The following CDH13 variants were observed in gnomAD, a reference collection of about 807,000 sequenced individuals.
CDH13 encodes the protein cadherin 13.
Under a neutral mutation model 63.8 loss-of-function variants are expected in CDH13, and 24 were observed. That is an observed-to-expected ratio of 0.38 (90% confidence interval 0.27 to 0.53). The LOEUF (loss-of-function observed/expected upper bound fraction) is 0.53. CDH13 is among the 20% of genes least tolerant of loss of function. CDH13 has a pLI of 0.85. For synonymous variants in CDH13, 503 were observed against 355.3 expected, an observed-to-expected ratio of 1.42 and a Z score of -4.67; for missense variants, 1,049 against 903.1, an observed-to-expected ratio of 1.16 and a Z score of -2.07.
chr16:82,727,369 C>T (rs188190172), intron 1 of CDH13: 1 of 152,226 alleles, frequency 6.6e-6, no homozygotes, highest in Admixed American at 6.5e-5. Flanking sequence ...TTTTCGTTTT[C>T]CCTGGAAGGT....
At chr16:83,474,619 T>G in intron 6 of CDH13, among the ~76,000 whole-genome samples, 1 of 152,114 alleles carries the variant, frequency 6.6e-6, no homozygotes, top group East Asian at 1.9e-4. Context: ...AGCAGAAGTA[T>G]TTCATTAAAA....
intron 8 of CDH13, among the ~76,000 whole-genome samples, chr16:83,649,830 C>T (rs775687671): frequency 1.3e-5 from 2 of 152,200 alleles, no homozygotes; most frequent in Non-Finnish European, 2.9e-5. Context: ...TTTGCTGAAG[C>T]ACCCAGCCAC....
intron 5 of CDH13, among the ~76,000 whole-genome samples, chr16:83,294,059 C>T (rs1294421111): frequency 6.6e-6 from 1 of 152,192 alleles, no homozygotes; most frequent in Non-Finnish European, 1.5e-5. Context: ...CAAGGATTAT[C>T]TGACTTCTGT....
chr16:83,528,986 C>T (rs1036116735), intron 7 of CDH13, among the ~76,000 whole-genome samples: 2 of 152,098 alleles, frequency 1.3e-5, no homozygotes, highest in Non-Finnish European at 2.9e-5. Context: ...CTTGGTCCAC[C>T]TGACTGAAAT....
intron 5 of CDH13, among the ~76,000 whole-genome samples, chr16:83,309,358 C>T (rs2089950022): frequency 6.7e-6 from 1 of 149,782 alleles, no homozygotes; most frequent in African/African-American, 2.4e-5. Flanking sequence ...AGGTCAGTCT[C>T]TGGAGGCACT....
At position 82,734,552 on chromosome 16, in the gene CDH13, G is replaced by A. The variant is rs181166976; in HGVS notation, c.45+107415G>A. Among the ~76,000 whole-genome samples, 48 of 152,276 alleles carry A rather than the reference G, an allele frequency of 3.2e-4. No individual in the cohort carries two copies. In the East Asian group the frequency reaches 5.2e-3, roughly 17 times the overall value. On this transcript the variant is annotated intron_variant, in intron 1 of 13. Coordinates refer to ENST00000567109, the MANE Select transcript of CDH13 (RefSeq NM_001257.5). ...GCAGAGTGTTAACAGGAGGACTCTC[G>A]CTCTTTGTGATACATCCACTGTCTT...
chr16:82,936,569 AG>A (rs2042673322), intron 2 of CDH13, among the ~76,000 whole-genome samples: 1 of 152,170 alleles, frequency 6.6e-6, no homozygotes, highest in Non-Finnish European at 1.5e-5. Flanking sequence ...TTAAAACAGT[AG>A]GCCCCCCACC....
intron 3 of CDH13, among the ~76,000 whole-genome samples, chr16:83,035,302 A>G (rs995664380): frequency 6.6e-6 from 1 of 152,074 alleles, no homozygotes; most frequent in Non-Finnish European, 1.5e-5. Context: ...GTGTGCATTG[A>G]TGCTTGGGTA....
At chr16:83,105,190 G>T (rs1488215005) in intron 3 of CDH13, among the ~76,000 whole-genome samples, 2 of 152,104 alleles carry the variant, frequency 1.3e-5, no homozygotes, top group Non-Finnish European at 2.9e-5. Context: ...TCAATCTGGG[G>T]CCTGCTTTCC....
At chr16:82,887,550 G>T (rs1319614390) in intron 2 of CDH13, among the ~76,000 whole-genome samples, 8 of 152,224 alleles carry the variant, frequency 5.3e-5, no homozygotes, top group Admixed American at 5.2e-4. Flanking sequence ...AGGAGGGCCA[G>T]TGGCTCACGC....
intron 7 of CDH13, among the ~76,000 whole-genome samples, chr16:83,583,898 C>G (rs1905880873): frequency 6.6e-6 from 1 of 151,510 alleles, no homozygotes; most frequent in Non-Finnish European, 1.5e-5. Context: ...GCCTGGATGA[C>G]AGAGCAAGAC....
At chr16:83,573,524 A>G (rs538582814) in intron 7 of CDH13, among the ~76,000 whole-genome samples, 1 of 152,336 alleles carries the variant, frequency 6.6e-6, no homozygotes, top group Admixed American at 6.5e-5. Context: ...ATCACTAATC[A>G]ATGGCGGCAC....
At chr16:83,660,763 A>G (rs969137845) in intron 8 of CDH13, among the ~76,000 whole-genome samples, 7 of 152,214 alleles carry the variant, frequency 4.6e-5, no homozygotes, top group Non-Finnish European at 1.0e-4. Flanking sequence ...TCAAATGAGT[A>G]TCTCTACAGA....
chr16:83,346,802 T>G (rs2151368526), intron 6 of CDH13, among the ~76,000 whole-genome samples: 1 of 152,380 alleles, frequency 6.6e-6, no homozygotes, highest in South Asian at 2.1e-4. Context: ...GTTTTTTGTG[T>G]ATTTTTTAGA....
intron 6 of CDH13, among the ~76,000 whole-genome samples, chr16:83,480,113 C>G (rs141312643): frequency 6.6e-6 from 1 of 152,220 alleles, no homozygotes; most frequent in African/African-American, 2.4e-5. Context: ...TCGCTTGACT[C>G]CAGGGGTTCA....
At chr16:83,510,217 T>C (rs2074524957) in intron 7 of CDH13, among the ~76,000 whole-genome samples, 1 of 152,176 alleles carries the variant, frequency 6.6e-6, no homozygotes, top group Non-Finnish European at 1.5e-5. Flanking sequence ...TGAAGAACAT[T>C]TTTTATTCAT....
chr16:83,211,918 A>G (rs1209819698), intron 4 of CDH13, among the ~76,000 whole-genome samples: 5 of 152,182 alleles, frequency 3.3e-5, no homozygotes, highest in African/African-American at 1.2e-4. Context: ...CAAGAAAAAA[A>G]AACATCCCAC....
intron 5 of CDH13, among the ~76,000 whole-genome samples, chr16:83,262,513 C>G (rs1907113864): frequency 6.6e-6 from 1 of 152,086 alleles, no homozygotes; most frequent in South Asian, 2.1e-4. Flanking sequence ...ATACCGTGAG[C>G]CATTGGGAAG....
intron 2 of CDH13, among the ~76,000 whole-genome samples, chr16:82,977,624 G>A (rs116705782): frequency 0.039 from 5,890 of 152,234 alleles, 134 homozygotes; most frequent in Non-Finnish European, 0.045. Context: ...CTGCAGAACC[G>A]TGAGTCAATT....
Sources: gnomAD v4.1 joint callset for allele counts (sites outside exome capture counted in the v4.1 genomes callset) on GRCh38, gnomAD v4.1.1 for gene constraint, MANE v1.5 for transcripts, NCBI Gene and HGNC (gene_info 2026-07-23, HGNC 2026-07-21) for gene names.